LRRC9: variants seen among roughly 807,000 people sequenced by gnomAD.
The protein encoded by LRRC9 is leucine rich repeat containing 9.
In LRRC9, 122 loss-of-function variants were observed where a neutral mutation model predicts 63.2. The ratio of observed to expected loss-of-function variants is 1.93; its 90% CI spans 1.67 to 2.24. The LOEUF (loss-of-function observed/expected upper bound fraction) is 2.24. Ranked by LOEUF, LRRC9 falls within the 30% of genes most tolerant of loss-of-function variation. The probability of loss-of-function intolerance (pLI) is 0.00; values close to 1 mark genes in which losing one functional copy is unlikely to be tolerated. For synonymous variants in LRRC9, 366 were observed against 213.1 expected (o/e 1.72, Z -6.25); for missense variants, 1,071 against 627.7 (o/e 1.71, Z -7.55).
At chr14:59,967,370 C>A (rs918101800) in intron 12 of LRRC9, among the ~76,000 whole-genome samples, 157 bp downstream of exon 12, 1 of 152,196 alleles carries the variant, frequency 6.6e-6, no homozygotes, top group African/African-American at 2.4e-5. Context: ...AGTATAGCAT[C>A]TTTCCTCTTT....
rs532706340 is a variant in LRRC9 at position 60,058,080 on chromosome 14, T to C, written c.4276+58T>C. ...AATCACTTAATTTGAAATAAAAATATCACTTTAATTTCTAATAGTACTTAA... is the reference window on the plus strand; with the variant it reads ...AATCACTTAATTTGAAATAAAAATACCACTTTAATTTCTAATAGTACTTAA... On this transcript the variant is annotated intron_variant, in intron 31 of 31. Transcript: ENST00000445360. This position sits in a 1 kb window ranked among gnomAD's most constrained non-coding sequence, Gnocchi z 4.4. 2 of 495,028 alleles carry C rather than the reference T, an allele frequency of 4.0e-6. No homozygotes were observed. Among genetic ancestry groups the C allele is most frequent in the Admixed American group, 5.8e-5 (2 of 34,310 alleles). The allele number at this position is 495,028 out of a possible 1,614,324, so 30.7% of individuals were successfully genotyped here. A position where few individuals can be genotyped will look rare whatever the true frequency, so the allele number is the denominator to read the frequency against.
intron 7 of LRRC9, among the ~76,000 whole-genome samples, chr14:59,940,360 C>A (rs889253260): frequency 6.6e-6 from 1 of 152,090 alleles, no homozygotes; most frequent in African/African-American, 2.4e-5. Flanking sequence ...TTCTTCCCTA[C>A]TATGCATGAG....
intron 20 of LRRC9, among the ~76,000 whole-genome samples, chr14:60,002,970 G>C (rs138438010): frequency 1.2e-4 from 18 of 152,260 alleles, no homozygotes; most frequent in Non-Finnish European, 1.8e-4. Context: ...AAGGATAAGG[G>C]AAAAGGTTAT....
At chr14:60,013,582 T>C (rs1369713017) in intron 23 of LRRC9, among the ~76,000 whole-genome samples, 1 of 152,174 alleles carries the variant, frequency 6.6e-6, no homozygotes, top group African/African-American at 2.4e-5. Flanking sequence ...TCAAATATTT[T>C]GCAGCTCTGT....
intron 29 of LRRC9, among the ~76,000 whole-genome samples, chr14:60,049,534 G>A (rs1893719279): frequency 6.6e-6 from 1 of 152,220 alleles, no homozygotes; most frequent in African/African-American, 2.4e-5. Flanking sequence ...GGCCAGATAT[G>A]AAATTCTAGG....
At chr14:59,969,138 T>G (rs1473139169) in intron 12 of LRRC9, 2 of 152,224 alleles carry the variant, frequency 1.3e-5, no homozygotes, top group African/African-American at 4.8e-5. Flanking sequence ...ATTTTGATAT[T>G]TTATTTTGAA....
intron 12 of LRRC9, among the ~76,000 whole-genome samples, chr14:59,968,404 C>A (rs1485785413): frequency 6.6e-6 from 1 of 152,156 alleles, no homozygotes; most frequent in Non-Finnish European, 1.5e-5. Context: ...GAATTGTATG[C>A]TGGAAAATGG....
At chr14:60,064,695 T>C (rs1465788857), downstream of LRRC9, among the ~76,000 whole-genome samples, 1 of 152,230 alleles carries the variant, frequency 6.6e-6, no homozygotes, top group East Asian at 1.9e-4. Context: ...AGAAGATGTC[T>C]TTGTTGCCCT....
At chr14:59,960,054 G>A (rs1276419035) in intron 9 of LRRC9, 40 bp downstream of exon 9, 1 of 590,436 alleles carries the variant, frequency 1.7e-6, no homozygotes, top group Non-Finnish European at 3.0e-6. Context: ...GATCTGAAAT[G>A]GAGAGAATCA....
At chr14:60,038,593 T>C (rs892673376) in intron 29 of LRRC9, among the ~76,000 whole-genome samples, 1 of 152,208 alleles carries the variant, frequency 6.6e-6, no homozygotes, top group Non-Finnish European at 1.5e-5. Flanking sequence ...ATAGGAATGT[T>C]TGTAATTTTT....
At chr14:60,037,405 C>A (rs1241350430) in intron 29 of LRRC9, among the ~76,000 whole-genome samples, 2 of 152,210 alleles carry the variant, frequency 1.3e-5, no homozygotes, top group Non-Finnish European at 2.9e-5. Flanking sequence ...GTTCCTATTT[C>A]TCCATATCCT....
intron 1 of LRRC9, among the ~76,000 whole-genome samples, chr14:59,925,673 A>G (rs144432534): frequency 2.0e-5 from 3 of 152,164 alleles, no homozygotes; most frequent in African/African-American, 7.2e-5. Flanking sequence ...TTTCTGGTGC[A>G]TTTCTCAAAC....
chr14:60,003,506 T>G lies in LRRC9; in HGVS notation c.2665-115T>G. 1.8e-6 allele frequency: 1 copy of G among 545,368 alleles called. No individual in the cohort carries two copies. Among genetic ancestry groups the G allele is most frequent in the Non-Finnish European group, 3.2e-6 (1 of 311,842 alleles). The allele number at this position is 545,368 out of a possible 1,614,324, so 33.8% of individuals were successfully genotyped here. A position where few individuals can be genotyped will look rare whatever the true frequency, so the allele number is the denominator to read the frequency against. ...CAATATCTTTAGCTCCTGAAGGAAT[T>G]CTTTTGATATCTATTTATCACATTT... On this transcript the variant is annotated intron_variant, in intron 20 of 31. Transcript: ENST00000445360. The surrounding 1 kb of genome is among the most constrained non-coding windows in gnomAD (Gnocchi z 4.2).
In LRRC9 at chr14:60,053,477, A is replaced by G. The variant is rs1894052442; in HGVS notation, c.4131+272A>G. Among the ~76,000 whole-genome samples, 1 of 152,202 alleles carries G rather than the reference A, an allele frequency of 6.6e-6. No individual in the cohort carries two copies. The highest frequency in any genetic ancestry group is 2.4e-5 in the African/African-American group (1 of 41,440). ...TTAATAGCATACTTCATACTCTGAC[A>G]TAAGGAAAGTTATTTAATATTTGTA... On this transcript the variant is annotated intron_variant, in intron 30 of 31. Coordinates refer to ENST00000445360, the Ensembl canonical transcript of LRRC9. The surrounding 1 kb of genome is among the most constrained non-coding windows in gnomAD (Gnocchi z 4.8).
At chr14:60,020,665 A>C (rs1025760127) in intron 26 of LRRC9, among the ~76,000 whole-genome samples, 2 of 151,886 alleles carry the variant, frequency 1.3e-5, no homozygotes, top group Non-Finnish European at 2.9e-5. Flanking sequence ...AACAACCTCT[A>C]ATCTGTTTTC....
chr14:60,024,890 C>T (rs1891407022), intron 27 of LRRC9, among the ~76,000 whole-genome samples: 1 of 151,614 alleles, frequency 6.6e-6, no homozygotes, highest in South Asian at 2.1e-4. Context: ...TATTGCTTAG[C>T]TCCCACGTGT....
At chr14:59,931,200 G>T (rs902228330) in intron 4 of LRRC9, 142 bp downstream of exon 4, 1 of 295,184 alleles carries the variant, frequency 3.4e-6, no homozygotes, top group Admixed American at 4.7e-5. Flanking sequence ...GAACTAACAT[G>T]TATATAGCAT....
rs200156203 is a variant in LRRC9, at chr14:59,941,068, C to CA, written c.726+2506dup. ...CTTACTATATACTCTCAAACAAGGACAAAAAAAAAACCCTTATTGATAACT... is the reference window on the plus strand; with the variant it reads ...CTTACTATATACTCTCAAACAAGGACAAAAAAAAAAACCCTTATTGATAACT... On this transcript the variant is annotated intron_variant, in intron 7 of 31. Coordinates refer to ENST00000445360, the Ensembl canonical transcript of LRRC9. 5.1e-3 allele frequency among the ~76,000 whole-genome samples: 719 copies of CA among 140,646 alleles called. 21 individuals carry two copies. The East Asian group carries it at 0.069, about 13-fold the overall frequency. The allele number at this position is 140,646 out of a possible 152,430, so 92.3% of individuals were successfully genotyped here.
At chr14:60,028,550 T>G (rs1891734742) in intron 28 of LRRC9, among the ~76,000 whole-genome samples, 1 of 152,158 alleles carries the variant, frequency 6.6e-6, no homozygotes. Context: ...CAAGGCTTCC[T>G]TAGATAGGAT....
Sources: gnomAD v4.1 joint callset for allele counts (sites outside exome capture counted in the v4.1 genomes callset) on GRCh38, gnomAD v4.1.1 for gene constraint, Gnocchi (gnomAD v3.1) non-coding constraint, MANE v1.5 for transcripts, NCBI Gene and HGNC (gene_info 2026-07-23, HGNC 2026-07-21) for gene names.